The following CALCOCO1 variants were observed in gnomAD, a reference collection of about 807,000 sequenced individuals.
The protein encoded by CALCOCO1 is calcium binding and coiled-coil domain 1, also known as calcium-binding and coiled-coil domain-containing protein 1.
A neutral mutation model predicts 86.3 loss-of-function variants in CALCOCO1; 44 were observed. That is an observed-to-expected ratio of 0.51 (90% CI 0.40 to 0.66). The LOEUF is 0.66. Among genes scored for constraint, CALCOCO1 ranks in the 30% least tolerant of loss-of-function variants. The pLI is 0.00. For synonymous variants in CALCOCO1, 297 were observed against 327.6 expected, an observed-to-expected ratio of 0.91 and a Z score of 1.01; for missense variants, 708 against 851.1, an observed-to-expected ratio of 0.83 and a Z score of 2.09.
intron 7 of CALCOCO1, among the ~76,000 whole-genome samples, chr12:53,718,940 C>T (rs781472798): frequency 1.4e-4 from 21 of 149,684 alleles, no homozygotes; most frequent in African/African-American, 2.7e-4. Context: ...TTCTGCCTCC[C>T]GGGTTCAAGT....
At chr12:53,718,840 C>CTTTT (rs35114054) in intron 7 of CALCOCO1, among the ~76,000 whole-genome samples, 27 of 75,622 alleles carry the variant, frequency 3.6e-4, no homozygotes, top group African/African-American at 5.0e-4. Flanking sequence ...ATGGCCCTCC[C>CTTTT]TTTTTTTTTT....
intron 1 of CALCOCO1, chr12:53,726,271 A>G (rs901170589): frequency 3.9e-5 from 6 of 152,110 alleles, no homozygotes; most frequent in African/African-American, 1.4e-4. Context: ...TTCTCTCCTC[A>G]TTTTCTCTCT....
At chr12:53,727,194 A>AGG (rs1242908847) in intron 1 of CALCOCO1, among the ~76,000 whole-genome samples, 1 of 152,130 alleles carries the variant, frequency 6.6e-6, no homozygotes, top group South Asian at 2.1e-4. Context: ...GAGGACGACG[A>AGG]GGGGGCGCCC....
rs1252986270 is a variant in CALCOCO1, at chr12:53,724,740, GC to G, written c.163del (p.Ala55LeufsTer49). 1 of 1,611,928 alleles carries G rather than the reference GC, an allele frequency of 6.2e-7. No individual in the cohort carries two copies. The highest frequency in any genetic ancestry group is 1.3e-5 in the African/African-American group (1 of 74,866). On this transcript the variant is annotated frameshift_variant, in exon 3 of 15. Coordinates refer to ENST00000550804, the MANE Select transcript of CALCOCO1 (RefSeq NM_020898.3). LOFTEE classifies it high-confidence loss of function. ...SDWIGIFKVE[A>X]ACVRDYHTFV... ...TGTGTGGTAATCCCGAACACAGGCA[GC>G]CTCCACCTGTGAAAGCCCAAGGTTG...
intron 9 of CALCOCO1, chr12:53,715,552 A>T: frequency 1.4e-6 from 1 of 737,018 alleles, no homozygotes; most frequent in Non-Finnish European, 2.2e-6. Context: ...CCTGGGGTCT[A>T]GGACAGAAAA....
chr12:53,723,982 T>C, intron 3 of CALCOCO1, 199 bp from the exon 4 acceptor site: 1 of 591,766 alleles, frequency 1.7e-6, no homozygotes, highest in East Asian at 2.8e-5. Context: ...ATAATGCTAG[T>C]TACCATGTAG....
chr12:53,715,116 T>C, intron 10 of CALCOCO1, 84 bp downstream of exon 10: 1 of 1,516,008 alleles, frequency 6.6e-7, no homozygotes, highest in Non-Finnish European at 8.9e-7. Context: ...CTAGCACTTC[T>C]GAGCCCATAC....
intron 6 of CALCOCO1, 77 bp from the exon 7 acceptor site, chr12:53,719,906 TCTG>T: frequency 6.3e-5 from 59 of 938,806 alleles, no homozygotes; most frequent in South Asian, 1.2e-4. Flanking sequence ...TGTCTTGTGC[TCTG>T]CTGCTGCTGC....
Position 53,711,925 on chromosome 12 carries a change from C to CA in CALCOCO1, c.*18dup, listed in dbSNP as rs1325055944. 1 of 1,534,568 alleles carries CA rather than the reference C, an allele frequency of 6.5e-7. No homozygotes were observed. Among genetic ancestry groups the CA allele is most frequent in the Non-Finnish European group, 8.8e-7 (1 of 1,141,592 alleles). ...GTGTGTGCATGAGTGTGTATTTGTG[C>CA]ATGTACGAGGGAGTAAGATCACTCA... On this transcript the variant is annotated 3_prime_UTR_variant, in exon 15 of 15. Coordinates refer to ENST00000550804, the MANE Select transcript of CALCOCO1 (RefSeq NM_020898.3).
intron 11 of CALCOCO1, 52 bp from the exon 12 acceptor site, chr12:53,714,293 C>T: frequency 7.3e-7 from 1 of 1,365,456 alleles, no homozygotes; most frequent in Non-Finnish European, 1.0e-6. Context: ...AGGTGCCAAC[C>T]TTGCTAGCCT....
In CALCOCO1 at chr12:53,713,323, AG is replaced by A. The variant is rs958945182; in HGVS notation, c.1792-118del. The A allele has an allele frequency of 6.4e-6, 5 of 777,974 alleles. No homozygotes were observed. The African/African-American group carries it at 6.8e-5, about 11-fold the overall frequency. 48.2% of individuals were successfully genotyped at this position (777,974 alleles called of 1,614,324 possible). On this transcript the variant is annotated intron_variant, in intron 13 of 14. Coordinates refer to ENST00000550804, the MANE Select transcript of CALCOCO1 (RefSeq NM_020898.3). Reference sequence around the variant, plus strand: ...GCTAGGACAGTGACCTGAGGGGCTTAGGAAGAGTGAGGCAGGAGAGGCGTTT... The same window carrying A: ...GCTAGGACAGTGACCTGAGGGGCTTAGAAGAGTGAGGCAGGAGAGGCGTTT...
At chr12:53,717,655 AAGGGATTT>A (rs1400935189) in intron 7 of CALCOCO1, among the ~76,000 whole-genome samples, 1 of 152,230 alleles carries the variant, frequency 6.6e-6, no homozygotes, top group African/African-American at 2.4e-5. Flanking sequence ...GGTACTGAAG[AAGGGATTT>A]AGGAGTTCTG....
At chr12:53,718,103 C>T (rs1387888681) in intron 7 of CALCOCO1, among the ~76,000 whole-genome samples, 1 of 152,182 alleles carries the variant, frequency 6.6e-6, no homozygotes, top group Non-Finnish European at 1.5e-5. Context: ...CATATGTTTC[C>T]AGGTTAATTC....
rs1342878572 is a variant in CALCOCO1, at chr12:53,716,464, G to A, written c.850-49C>T. ...AGGAAAGGGGTATGTGTGTTGGGGT[G>A]GCTCGGGAGGTGAACCATTGTGATG... is the stretch of plus-strand genomic sequence containing the variant. On this transcript the variant is annotated intron_variant, in intron 7 of 14. Transcript: ENST00000550804. 1.9e-6 allele frequency: 3 copies of A among 1,602,216 alleles called. No individual in the cohort carries two copies. The South Asian group carries it at 3.3e-5, about 18-fold the overall frequency.
rs1945526397 is a variant in CALCOCO1, at chr12:53,710,553, T to C, written c.*1391A>G. On this transcript the variant is annotated 3_prime_UTR_variant, in exon 15 of 15. Transcript: ENST00000550804. Reference sequence around the variant, plus strand: ...TATGTGTCTGTCTAGCCTGTGAAGCTGGTTAGAGTGGATGAATGTGTTTTT... The same window carrying C: ...TATGTGTCTGTCTAGCCTGTGAAGCCGGTTAGAGTGGATGAATGTGTTTTT... 6.6e-6 allele frequency: 1 copy of C among 152,474 alleles called. No homozygotes were observed. Among genetic ancestry groups the C allele is most frequent in the African/African-American group, 2.4e-5 (1 of 41,432 alleles). The allele number at this position is 152,474 out of a possible 1,614,324, so 9.4% of individuals were successfully genotyped here. A position where few individuals can be genotyped will look rare whatever the true frequency, so the allele number is the denominator to read the frequency against.
In CALCOCO1 at chr12:53,711,960, GGGTCCTGGGTGCTGAAAAAGAAGTGTCC is replaced by G. The variant is rs1945566964; in HGVS notation, c.2032_2059del (p.Gly678ProfsTer29). Reference sequence around the variant, plus strand: ...GGAGTAAGATCACTCAAAGGTGAAGGGGTCCTGGGTGCTGAAAAAGAAGTGTCCATCCATGTGGTCCTCCAGGGCATCC... The same window carrying G: ...GGAGTAAGATCACTCAAAGGTGAAGGATCCATGTGGTCCTCCAGGGCATCC... On this transcript the variant is annotated frameshift_variant, in exon 15 of 15. Coordinates refer to ENST00000550804, the MANE Select transcript of CALCOCO1 (RefSeq NM_020898.3). LOFTEE classifies it high-confidence loss of function. 1 of 1,574,048 alleles carries G rather than the reference GGGTCCTGGGTGCTGAAAAAGAAGTGTCC, an allele frequency of 6.4e-7. No homozygotes were observed. The highest frequency in any genetic ancestry group is 1.8e-5 in the Admixed American group (1 of 54,328).
rs993889169 is a variant in CALCOCO1, at chr12:53,711,742, C to G, written c.*202G>C. 11 of 475,622 alleles carry G rather than the reference C, an allele frequency of 2.3e-5. No homozygotes were observed. The highest frequency in any genetic ancestry group is 3.9e-5 in the Non-Finnish European group (11 of 279,802). 29.5% of individuals were successfully genotyped at this position (475,622 alleles called of 1,614,324 possible). A position where few individuals can be genotyped will look rare whatever the true frequency, so the allele number is the denominator to read the frequency against. ...CAGCCACTGCTTCCGAACAGGACCC[C>G]TCCCTGGGACAAAAGAGCCAGGTAG... is the stretch of plus-strand genomic sequence containing the variant. On this transcript the variant is annotated 3_prime_UTR_variant, in exon 15 of 15. Transcript: ENST00000550804.
chr12:53,716,356 C>T lies in CALCOCO1; in HGVS notation c.909G>A (p.Ala303=), dbSNP rs201508870. The T allele has an allele frequency of 4.8e-5, 77 of 1,614,178 alleles. No individual in the cohort carries two copies. In the East Asian group the frequency reaches 5.3e-4, roughly 11 times the overall value. The change falls in exon 8 of 15, where the codon GCG becomes GCA. Residue 303 remains alanine, a synonymous_variant. Coordinates refer to ENST00000550804, the MANE Select transcript of CALCOCO1 (RefSeq NM_020898.3). ...NHHLNLDLKE[A]KSWQEEQSAQ... is the part of the protein sequence containing the mutation. ...CACTCTGCTCCTCTTGCCAGCTCTTCGCCTCCTTCAGGTCCAAATTTAAGT... is the reference window on the plus strand; with the variant it reads ...CACTCTGCTCCTCTTGCCAGCTCTTTGCCTCCTTCAGGTCCAAATTTAAGT...
At position 53,713,085 on chromosome 12, in the gene CALCOCO1, G is replaced by A. The variant is rs1945615720; in HGVS notation, c.1898+15C>T. ...CTCCTCCCACCTCCCTCCTGGCCTT[G>A]CTGGTTGAACTCACCTGGCCATGTC... On this transcript the variant is annotated intron_variant, in intron 14 of 14. Coordinates refer to ENST00000550804, the MANE Select transcript of CALCOCO1 (RefSeq NM_020898.3). 6.2e-7 allele frequency: 1 copy of A among 1,609,624 alleles called. No individual in the cohort carries two copies. Among genetic ancestry groups the A allele is most frequent in the Non-Finnish European group, 8.5e-7 (1 of 1,176,146 alleles).
Sources: gnomAD v4.1 joint callset for allele counts (sites outside exome capture counted in the v4.1 genomes callset) on GRCh38, gnomAD v4.1.1 for gene constraint, MANE v1.5 for transcripts, NCBI Gene and HGNC (gene_info 2026-07-23, HGNC 2026-07-21) for gene names.